The following ATAD2B variants were observed in gnomAD, a reference collection of about 807,000 sequenced individuals.
ATAD2B encodes the protein ATPase family AAA domain containing 2B, also known as ATPase family AAA domain-containing protein 2B.
In ATAD2B, 40 loss-of-function variants were observed where a neutral mutation model predicts 167.6. The observed-to-expected ratio is 0.24, with a 90% CI of 0.19 to 0.31. The LOEUF is 0.31. Among genes scored for constraint, ATAD2B ranks in the 10% least tolerant of loss-of-function variants. The pLI is 1.00. For missense variants in ATAD2B, 1,242 were observed against 1,757.2 expected, an observed-to-expected ratio of 0.71 and a Z score of 5.24; for synonymous variants, 579 against 596.5, an observed-to-expected ratio of 0.97 and a Z score of 0.43.
At chr2:23,712,980 C>A in the ATAD2B span, among the ~76,000 whole-genome samples, 2 of 152,202 alleles carry the variant, frequency 1.3e-5, no homozygotes, top group Non-Finnish European at 2.9e-5. Context: ...ATGTGCAGCA[C>A]CAGCCAGATT....
At chr2:23,722,232 T>C in the ATAD2B span, among the ~76,000 whole-genome samples, 1 of 152,002 alleles carries the variant, frequency 6.6e-6, no homozygotes, top group African/African-American at 2.4e-5. Flanking sequence ...AAAACAATAA[T>C]TCTATAGGAA....
intron 22 of ATAD2B, among the ~76,000 whole-genome samples, chr2:23,768,607 C>T (rs1009196308): frequency 5.3e-5 from 8 of 151,928 alleles, no homozygotes; most frequent in African/African-American, 1.9e-4. Flanking sequence ...TATCTATCAT[C>T]ACCAAAAGTT....
At chr2:23,905,987 C>T (rs1388985536) in intron 1 of ATAD2B, among the ~76,000 whole-genome samples, 2 of 151,504 alleles carry the variant, frequency 1.3e-5, no homozygotes, top group African/African-American at 4.9e-5. Context: ...TTGAGAAAAC[C>T]TATGAAAATT....
At chr2:23,798,554 C>T in intron 18 of ATAD2B, among the ~76,000 whole-genome samples, 1 of 151,138 alleles carries the variant, frequency 6.6e-6, no homozygotes, top group Non-Finnish European at 1.5e-5. Context: ...GTATGTTTTG[C>T]CCTTTAATTA....
the ATAD2B span, among the ~76,000 whole-genome samples, chr2:23,740,813 A>C: frequency 6.6e-6 from 1 of 152,230 alleles, no homozygotes; most frequent in South Asian, 2.1e-4. Flanking sequence ...CCATCGTCTC[A>C]GCCCCAAATC....
the ATAD2B span, among the ~76,000 whole-genome samples, chr2:23,710,831 A>G: frequency 2.0e-5 from 3 of 152,242 alleles, no homozygotes; most frequent in East Asian, 1.9e-4. Context: ...ATATGCAAAT[A>G]CAAACCCCTT....
chr2:23,695,842 A>G, the ATAD2B span: 4 of 1,542,448 alleles, frequency 2.6e-6, no homozygotes, highest in Non-Finnish European at 3.5e-6. This position sits in a 1 kb window ranked among gnomAD's most constrained non-coding sequence, Gnocchi z 7.6. Flanking sequence ...GCACGCCCCG[A>G]ACCTCCCAAG....
chr2:23,715,505 C>T, the ATAD2B span, among the ~76,000 whole-genome samples: 3 of 151,620 alleles, frequency 2.0e-5, no homozygotes, highest in African/African-American at 7.3e-5. Flanking sequence ...ACCTGGGAGG[C>T]GGAGCTTGCA....
At chr2:23,887,481 G>T (rs1412347908) in intron 4 of ATAD2B, among the ~76,000 whole-genome samples, 1 of 152,110 alleles carries the variant, frequency 6.6e-6, no homozygotes, top group African/African-American at 2.4e-5. Context: ...TGTTATCACT[G>T]TAGAATATAA....
intron 19 of ATAD2B, among the ~76,000 whole-genome samples, chr2:23,792,606 G>T (rs1681930402): frequency 6.6e-6 from 1 of 151,718 alleles, no homozygotes; most frequent in Admixed American, 6.6e-5. Context: ...AATAAAAATA[G>T]AAATAGTTTA....
intron 16 of ATAD2B, among the ~76,000 whole-genome samples, chr2:23,822,917 C>CAAAAAAA (rs33911389): frequency 1.8e-4 from 12 of 66,254 alleles, no homozygotes; most frequent in East Asian, 5.0e-4. Flanking sequence ...AACTCCATCT[C>CAAAAAAA]AAAAAAAAAA....
chr2:23,722,190 T>C, the ATAD2B span, among the ~76,000 whole-genome samples: 1 of 151,684 alleles, frequency 6.6e-6, no homozygotes, highest in African/African-American at 2.4e-5. Context: ...ACATCAACGA[T>C]GAAAATGCAA....
At chr2:23,745,147 G>A (rs768112719), downstream of ATAD2B, among the ~76,000 whole-genome samples, 3 of 151,876 alleles carry the variant, frequency 2.0e-5, no homozygotes, top group Admixed American at 6.6e-5. Flanking sequence ...ATTAGCCAGG[G>A]GTGGTGGCAC....
chr2:23,744,280 G>T (rs1444902392), downstream of ATAD2B, among the ~76,000 whole-genome samples: 1 of 147,554 alleles, frequency 6.8e-6, no homozygotes, highest in Non-Finnish European at 1.5e-5. Context: ...GCTCCTGGGA[G>T]AATTTTTTTT....
intron 16 of ATAD2B, among the ~76,000 whole-genome samples, chr2:23,822,212 C>A (rs552883286): frequency 6.6e-6 from 1 of 152,100 alleles, no homozygotes; most frequent in Non-Finnish European, 1.5e-5. Context: ...TGAGGCAGTC[C>A]CCAGAACTTA....
the ATAD2B span, chr2:23,696,626 A>G: frequency 1.2e-6 from 1 of 840,378 alleles, no homozygotes; most frequent in Non-Finnish European, 1.8e-6. This position sits in a 1 kb window ranked among gnomAD's most constrained non-coding sequence, Gnocchi z 5.5. Context: ...CAGAGCCTGG[A>G]CCATTCATAT....
intron 13 of ATAD2B, among the ~76,000 whole-genome samples, chr2:23,834,617 A>C (rs1689634089): frequency 1.3e-5 from 2 of 152,344 alleles, no homozygotes; most frequent in South Asian, 4.1e-4. Context: ...TCAAAATTAA[A>C]AACTTTTCTT....
chr2:23,856,468 C>G, intron 13 of ATAD2B: 1 of 419,670 alleles, frequency 2.4e-6, no homozygotes, highest in Non-Finnish European at 4.9e-6. Flanking sequence ...AAACAAATCT[C>G]CCATCAGATG....
intron 22 of ATAD2B, among the ~76,000 whole-genome samples, chr2:23,781,329 CAAAA>C (rs1338978418): frequency 1.2e-4 from 16 of 136,144 alleles, no homozygotes; most frequent in African/African-American, 3.3e-4. Context: ...GTCCTGACCA[CAAAA>C]AAATAAATAA....
Sources: allele counts gnomAD v4.1 joint callset (sites outside exome capture counted in the v4.1 genomes callset), GRCh38; gene constraint gnomAD v4.1.1; non-coding constraint Gnocchi (gnomAD v3.1); transcripts MANE v1.5; gene names NCBI Gene and HGNC (gene_info 2026-07-23, HGNC 2026-07-21).